The following PTPRG variants were observed in gnomAD, a reference collection of about 807,000 sequenced individuals.
PTPRG encodes protein tyrosine phosphatase receptor type G.
In PTPRG, 102 loss-of-function variants were observed where a neutral mutation model predicts 165.3. The ratio of observed to expected loss-of-function variants is 0.62; its 90% CI spans 0.53 to 0.73. The LOEUF (loss-of-function observed/expected upper bound fraction) is 0.73. Ranked by LOEUF, PTPRG falls within the 30% of genes least tolerant of loss-of-function variation. The probability of loss-of-function intolerance (pLI) is 0.00; values close to 1 mark genes in which losing one functional copy is unlikely to be tolerated. For missense variants in PTPRG, 1,866 were observed against 1,861.4 expected, an observed-to-expected ratio of 1.00 and a Z score of -0.05; for synonymous variants, 675 against 669.5, an observed-to-expected ratio of 1.01 and a Z score of -0.13.
chr3:61,928,485 A>T (rs2039281627), intron 2 of PTPRG, among the ~76,000 whole-genome samples: 1 of 152,204 alleles, frequency 6.6e-6, no homozygotes, highest in Non-Finnish European at 1.5e-5. Context: ...AGAAAAAGTC[A>T]TAGCAATTGT....
At chr3:61,592,027 C>G (rs1482350208) in intron 1 of PTPRG, among the ~76,000 whole-genome samples, 2 of 150,924 alleles carry the variant, frequency 1.3e-5, no homozygotes, top group Non-Finnish European at 2.9e-5. Flanking sequence ...AGGCTGGAGT[C>G]AACGGCATGA....
Position 61,789,173 on chromosome 3 carries a change from C to T in PTPRG, c.190+40191C>T, listed in dbSNP as rs752918642. Among the ~76,000 whole-genome samples, 19 of 152,150 alleles carry T rather than the reference C, an allele frequency of 1.2e-4. 1 individual carries two copies. The highest frequency in any genetic ancestry group is 2.4e-4 in the Non-Finnish European group (16 of 68,034). ...GGAATGCAGTAGCAGGATCTCAGCT[C>T]ACTGTAGCCTTGATGTCTCGGGCTC... On this transcript the variant is annotated intron_variant, in intron 2 of 29. Transcript: ENST00000474889.
intron 2 of PTPRG, among the ~76,000 whole-genome samples, chr3:61,869,797 T>C (rs1266933997): frequency 6.6e-6 from 1 of 151,694 alleles, no homozygotes; most frequent in African/African-American, 2.4e-5. Flanking sequence ...GATGAGGTTT[T>C]CCCATGTTTC....
At chr3:61,801,311 ATT>A (rs745926597) in intron 2 of PTPRG, among the ~76,000 whole-genome samples, 72 of 141,006 alleles carry the variant, frequency 5.1e-4, no homozygotes, top group South Asian at 1.4e-3. Context: ...TGTGTGTGTA[ATT>A]TTTTTTTTTT....
At chr3:61,636,053 A>T (rs1019216309) in intron 1 of PTPRG, among the ~76,000 whole-genome samples, 1 of 152,180 alleles carries the variant, frequency 6.6e-6, no homozygotes, top group African/African-American at 2.4e-5. Context: ...TCATTCTTGC[A>T]TAAATTCTTC....
intron 1 of PTPRG, among the ~76,000 whole-genome samples, chr3:61,564,889 C>G (rs1268741506): frequency 6.6e-6 from 1 of 152,228 alleles, no homozygotes; most frequent in Non-Finnish European, 1.5e-5. Flanking sequence ...CTGCTCCTGG[C>G]TTTCTCGAAA....
intron 2 of PTPRG, among the ~76,000 whole-genome samples, chr3:61,954,039 G>T (rs1449334687): frequency 6.6e-6 from 1 of 152,136 alleles, no homozygotes; most frequent in Non-Finnish European, 1.5e-5. Flanking sequence ...GAAATCTGGG[G>T]AGAGGACAGA....
At chr3:61,973,203 T>C (rs1354900635) in intron 2 of PTPRG, among the ~76,000 whole-genome samples, 1 of 152,224 alleles carries the variant, frequency 6.6e-6, no homozygotes, top group East Asian at 1.9e-4. Flanking sequence ...ATTGCAGCTT[T>C]GTCTGCATTA....
chr3:61,670,813 A>G (rs970875038), intron 1 of PTPRG, among the ~76,000 whole-genome samples: 12 of 152,138 alleles, frequency 7.9e-5, no homozygotes, highest in Non-Finnish European at 7.3e-5. Flanking sequence ...TTAAGATATA[A>G]TTAAGTAGAA....
At chr3:62,034,472 T>C (rs1294562090) in intron 4 of PTPRG, among the ~76,000 whole-genome samples, 3 of 152,364 alleles carry the variant, frequency 2.0e-5, no homozygotes, top group Middle Eastern at 6.8e-3. Context: ...GCGTGAGGTC[T>C]GATTGTGCGG....
At chr3:61,830,047 T>A (rs1206114333) in intron 2 of PTPRG, among the ~76,000 whole-genome samples, 1 of 152,246 alleles carries the variant, frequency 6.6e-6, no homozygotes, top group Non-Finnish European at 1.5e-5. Context: ...AATACTGCAG[T>A]GTGAAGACAG....
chr3:61,995,364 A>G (rs1298516696), intron 3 of PTPRG, among the ~76,000 whole-genome samples: 1 of 152,140 alleles, frequency 6.6e-6, no homozygotes, highest in Non-Finnish European at 1.5e-5. Flanking sequence ...TGCTGGGATT[A>G]CAGGCATGAG....
intron 2 of PTPRG, among the ~76,000 whole-genome samples, chr3:61,916,156 G>A (rs1320674774): frequency 6.6e-6 from 1 of 152,162 alleles, no homozygotes; most frequent in East Asian, 1.9e-4. Flanking sequence ...TCAGGAAGCT[G>A]AGGAAACAGT....
intron 5 of PTPRG, among the ~76,000 whole-genome samples, chr3:62,094,347 T>C (rs1360591364): frequency 1.3e-5 from 2 of 152,174 alleles, no homozygotes; most frequent in Non-Finnish European, 2.9e-5. Flanking sequence ...CTTGTGACAA[T>C]ACTTAGGACC....
At chr3:62,018,350 G>T (rs891077167) in intron 4 of PTPRG, among the ~76,000 whole-genome samples, 1 of 152,168 alleles carries the variant, frequency 6.6e-6, no homozygotes, top group South Asian at 2.1e-4. Flanking sequence ...ATAAAAAGCC[G>T]TGCATCTTTA....
intron 1 of PTPRG, among the ~76,000 whole-genome samples, chr3:61,698,941 C>T (rs57403191): frequency 0.046 from 6,933 of 151,988 alleles, 268 homozygotes; most frequent in African/African-American, 0.11. Context: ...ACACTGCATG[C>T]TCTCACTCAT....
At chr3:62,171,401 T>C (rs891302819) in intron 8 of PTPRG, among the ~76,000 whole-genome samples, 1 of 152,230 alleles carries the variant, frequency 6.6e-6, no homozygotes, top group African/African-American at 2.4e-5. Context: ...TTTCCTATTT[T>C]TACAGCATTT....
chr3:62,282,739 T>C lies in PTPRG; in HGVS notation c.3925T>C (p.Leu1309=). ...ILEATQDDYV[L]EVRHFQCPKW... ...GTATTGGTTACAGGATGACTATGTC[T>C]TAGAAGTTCGGCACTTTCAGTGTCC... Residue 1309 remains leucine, a synonymous_variant, in exon 28 of 30, where the codon TTA becomes CTA. Coordinates refer to ENST00000474889, the MANE Select transcript of PTPRG (RefSeq NM_002841.4). The C allele has an allele frequency of 6.2e-7, 1 of 1,611,670 alleles. No individual in the cohort carries two copies. Among genetic ancestry groups the C allele is most frequent in the Non-Finnish European group, 8.5e-7 (1 of 1,178,928 alleles).
chr3:61,861,538 G>A (rs1248116704), intron 2 of PTPRG, among the ~76,000 whole-genome samples: 1 of 152,182 alleles, frequency 6.6e-6, no homozygotes, highest in Non-Finnish European at 1.5e-5. Flanking sequence ...TGAAGCAGGG[G>A]CCACCTAAGA....
Sources: gnomAD v4.1 joint callset for allele counts (sites outside exome capture counted in the v4.1 genomes callset) on GRCh38, gnomAD v4.1.1 for gene constraint, MANE v1.5 for transcripts, NCBI Gene and HGNC (gene_info 2026-07-23, HGNC 2026-07-21) for gene names.